The following KIAA1549L variants were observed in gnomAD, a reference collection of about 807,000 sequenced individuals.
The protein encoded by KIAA1549L is KIAA1549 like, also known as UPF0606 protein KIAA1549L.
A neutral mutation model predicts 160.7 loss-of-function variants in KIAA1549L; 88 were observed. The observed-to-expected ratio is 0.55, with a 90% CI of 0.46 to 0.65. The LOEUF is 0.65. KIAA1549L is among the 30% of genes least tolerant of loss of function. KIAA1549L has a pLI of 0.00. For synonymous variants in KIAA1549L, 950 were observed against 976.7 expected, an observed-to-expected ratio of 0.97 and a Z score of 0.51; for missense variants, 2,258 against 2,437.5, an observed-to-expected ratio of 0.93 and a Z score of 1.55.
chr11:33,498,850 A>G (rs1415849407), intron 1 of KIAA1549L, among the ~76,000 whole-genome samples: 4 of 152,154 alleles, frequency 2.6e-5, no homozygotes, highest in Non-Finnish European at 5.9e-5. Context: ...AGGAAAAGGA[A>G]CAGTGAATTC....
At chr11:33,478,438 T>A (rs1852339405) in intron 1 of KIAA1549L, among the ~76,000 whole-genome samples, 1 of 152,244 alleles carries the variant, frequency 6.6e-6, no homozygotes, top group African/African-American at 2.4e-5. Flanking sequence ...AAGAGGTTTT[T>A]TCAAGCTCTG....
chr11:33,452,866 G>A (rs1851749585), intron 1 of KIAA1549L, among the ~76,000 whole-genome samples: 1 of 152,130 alleles, frequency 6.6e-6, no homozygotes, highest in African/African-American at 2.4e-5. Flanking sequence ...GGAGGCTGGA[G>A]CAAGTGGGAT....
intron 16 of KIAA1549L, among the ~76,000 whole-genome samples, chr11:33,626,237 A>T (rs1851109379): frequency 7.1e-6 from 1 of 141,540 alleles, no homozygotes; most frequent in South Asian, 2.3e-4. Context: ...TGACTTGGCA[A>T]TGCGGGCTCT....
At chr11:33,408,949 CAAA>C (rs763850676) in intron 1 of KIAA1549L, among the ~76,000 whole-genome samples, 3 of 66,836 alleles carry the variant, frequency 4.5e-5, no homozygotes, top group South Asian at 8.3e-4. Context: ...GACTCCATCT[CAAA>C]AAAAAAAAAA....
At chr11:33,598,696 C>T (rs2133304234) in intron 12 of KIAA1549L, 124 bp from the exon 13 acceptor site, 1 of 1,190,678 alleles carries the variant, frequency 8.4e-7, no homozygotes, top group South Asian at 1.5e-5. Context: ...TGTATCGTTT[C>T]CTCTTTGTCC....
At chr11:33,654,763 G>T (rs1261786526) in intron 17 of KIAA1549L, among the ~76,000 whole-genome samples, 1 of 152,212 alleles carries the variant, frequency 6.6e-6, no homozygotes, top group Non-Finnish European at 1.5e-5. Context: ...GCTGAGGTGT[G>T]GGGTAGGGGA....
At chr11:33,549,160 T>C (rs1226632674) in intron 4 of KIAA1549L, among the ~76,000 whole-genome samples, 1 of 151,832 alleles carries the variant, frequency 6.6e-6, no homozygotes, top group Non-Finnish European at 1.5e-5. Context: ...TTTTTTTTTA[T>C]GGATTCTGTT....
intron 1 of KIAA1549L, among the ~76,000 whole-genome samples, chr11:33,510,418 C>G (rs1266487800): frequency 6.6e-6 from 1 of 152,186 alleles, no homozygotes; most frequent in Non-Finnish European, 1.5e-5. Context: ...AACTCCTGAC[C>G]TCAAGTGATC....
chr11:33,573,138 T>A (rs1339675626), intron 9 of KIAA1549L, among the ~76,000 whole-genome samples: 3 of 152,222 alleles, frequency 2.0e-5, no homozygotes, highest in Non-Finnish European at 2.9e-5. Context: ...ATATCTTTTT[T>A]AATTGTTATG....
chr11:33,553,763 C>T (rs1854552926), intron 6 of KIAA1549L, among the ~76,000 whole-genome samples: 1 of 152,172 alleles, frequency 6.6e-6, no homozygotes, highest in Non-Finnish European at 1.5e-5. Context: ...TAATTGTATT[C>T]AGGAAGCACA....
chr11:33,478,285 G>A (rs1565152622), intron 1 of KIAA1549L, among the ~76,000 whole-genome samples: 1 of 152,090 alleles, frequency 6.6e-6, no homozygotes, highest in Admixed American at 6.5e-5. Context: ...GGCAAGTTTT[G>A]TTCTAGCCTG....
intron 1 of KIAA1549L, among the ~76,000 whole-genome samples, chr11:33,429,429 C>G (rs1284044058): frequency 6.6e-6 from 1 of 152,230 alleles, no homozygotes; most frequent in African/African-American, 2.4e-5. Flanking sequence ...TCCAATCAGT[C>G]TTTCCTCCTT....
chr11:33,439,375 C>T (rs1258119787), intron 1 of KIAA1549L, among the ~76,000 whole-genome samples: 2 of 151,778 alleles, frequency 1.3e-5, no homozygotes, highest in African/African-American at 2.4e-5. Context: ...TATCTATCAC[C>T]TTGAGTATTT....
chr11:33,524,793 C>T (rs1166134145), intron 1 of KIAA1549L, among the ~76,000 whole-genome samples: 1 of 152,114 alleles, frequency 6.6e-6, no homozygotes. Context: ...TGGGAAAGTG[C>T]TCATTTTGTG....
chr11:33,404,495 C>T (rs546973615), intron 1 of KIAA1549L, among the ~76,000 whole-genome samples: 26 of 152,068 alleles, frequency 1.7e-4, no homozygotes, highest in African/African-American at 5.6e-4. Context: ...CAATTGCACT[C>T]CAGCCTGGGC....
At chr11:33,573,245 C>G (rs930350634) in intron 9 of KIAA1549L, among the ~76,000 whole-genome samples, 16 of 152,136 alleles carry the variant, frequency 1.1e-4, no homozygotes, top group Non-Finnish European at 2.4e-4. Context: ...ATTACCCTTA[C>G]CTTATCCCAA....
At chr11:33,585,791 C>A (rs530804599) in intron 11 of KIAA1549L, among the ~76,000 whole-genome samples, 1 of 152,198 alleles carries the variant, frequency 6.6e-6, no homozygotes, top group Non-Finnish European at 1.5e-5. Context: ...GACAGATTAG[C>A]GTTTGTGGTT....
chr11:33,604,709 C>T (rs1379879307), intron 13 of KIAA1549L, among the ~76,000 whole-genome samples: 1 of 152,060 alleles, frequency 6.6e-6, no homozygotes, highest in Non-Finnish European at 1.5e-5. Flanking sequence ...GAATGGAAAA[C>T]CAAATACTAT....
intron 20 of KIAA1549L, among the ~76,000 whole-genome samples, chr11:33,663,105 T>C (rs1399683395): frequency 1.3e-5 from 2 of 152,192 alleles, no homozygotes; most frequent in Non-Finnish European, 2.9e-5. Flanking sequence ...GAGAGACCAG[T>C]TGTCAGCTTG....
Sources: gnomAD v4.1 joint callset for allele counts (sites outside exome capture counted in the v4.1 genomes callset) on GRCh38, gnomAD v4.1.1 for gene constraint, MANE v1.5 for transcripts, NCBI Gene and HGNC (gene_info 2026-07-23, HGNC 2026-07-21) for gene names.